FHOD3: variants seen among roughly 807,000 people sequenced by gnomAD.
FHOD3 encodes the protein formin homology 2 domain containing 3, also known as FH1/FH2 domain-containing protein 3.
Under a neutral mutation model 173.0 loss-of-function variants are expected in FHOD3, and 90 were observed. The ratio of observed to expected loss-of-function variants is 0.52; its 90% CI spans 0.44 to 0.62. The LOEUF (loss-of-function observed/expected upper bound fraction) is 0.62. Among genes scored for constraint, FHOD3 ranks in the 20% least tolerant of loss-of-function variants. FHOD3 has a pLI of 0.00. For synonymous variants in FHOD3, 828 were observed against 823.0 expected (o/e 1.01, Z -0.10); for missense variants, 1,945 against 2,034.7 (o/e 0.96, Z 0.85).
intron 1 of FHOD3, among the ~76,000 whole-genome samples, chr18:36,318,855 G>A (rs1210533757): frequency 1.3e-5 from 2 of 152,092 alleles, no homozygotes; most frequent in Admixed American, 1.3e-4. Flanking sequence ...TATTGGCTGT[G>A]GGTTTGTCAT....
At chr18:36,617,610 T>TGTGTGTGTGTGTGTGCGC (rs34321745) in intron 9 of FHOD3, among the ~76,000 whole-genome samples, 7 of 146,006 alleles carry the variant, frequency 4.8e-5, no homozygotes, top group African/African-American at 1.5e-4. Flanking sequence ...TGTGTGTGTG[T>TGTGTGTGTGTGTGTGCGC]GTGTGTGTGC....
chr18:36,434,525 G>A (rs1049410954), intron 3 of FHOD3, among the ~76,000 whole-genome samples: 2 of 152,060 alleles, frequency 1.3e-5, no homozygotes, highest in Non-Finnish European at 2.9e-5. Context: ...AAATTATTTT[G>A]ATTGTTCTAT....
chr18:36,686,982 T>G (rs757605891), intron 15 of FHOD3, 146 bp from the exon 16 acceptor site: 2 of 579,858 alleles, frequency 3.4e-6, no homozygotes, highest in Non-Finnish European at 6.0e-6. Flanking sequence ...GCTTTAAACT[T>G]TTAAAAATTC....
At chr18:36,406,861 C>A (rs8084548) in intron 3 of FHOD3, among the ~76,000 whole-genome samples, 6,588 of 152,226 alleles carry the variant, frequency 0.043, 470 homozygotes, top group African/African-American at 0.15. Flanking sequence ...TGTGTGTTCT[C>A]ACCTGGCTTA....
At chr18:36,355,699 G>A (rs746596723) in intron 2 of FHOD3, 54 bp downstream of exon 2, 1 of 1,402,816 alleles carries the variant, frequency 7.1e-7, no homozygotes, top group Non-Finnish European at 1.0e-6. Context: ...GGAAATGGGG[G>A]TACATTGAGG....
At chr18:36,756,887 C>G (rs1307492757) in intron 25 of FHOD3, among the ~76,000 whole-genome samples, 3 of 152,272 alleles carry the variant, frequency 2.0e-5, no homozygotes, top group East Asian at 3.9e-4. Flanking sequence ...CCTGAAATCT[C>G]AGTTCAGTAG....
At chr18:36,536,865 C>T (rs1277133191) in intron 5 of FHOD3, among the ~76,000 whole-genome samples, 1 of 152,178 alleles carries the variant, frequency 6.6e-6, no homozygotes, top group East Asian at 1.9e-4. Context: ...TTTCCCCTTA[C>T]TTCAGCTGAA....
At chr18:36,632,285 T>A (rs2034571246) in intron 10 of FHOD3, among the ~76,000 whole-genome samples, 1 of 152,226 alleles carries the variant, frequency 6.6e-6, no homozygotes, top group Admixed American at 6.5e-5. Flanking sequence ...GCATTGTAAT[T>A]TGCATTTTTT....
intron 7 of FHOD3, among the ~76,000 whole-genome samples, chr18:36,595,376 G>A (rs967203016): frequency 1.3e-5 from 2 of 152,018 alleles, no homozygotes; most frequent in Admixed American, 6.6e-5. Context: ...CAAACAGTTC[G>A]GTCACATCCA....
intron 9 of FHOD3, among the ~76,000 whole-genome samples, chr18:36,620,548 T>C (rs115014819): frequency 1.8e-4 from 28 of 152,330 alleles, no homozygotes; most frequent in African/African-American, 6.7e-4. Flanking sequence ...CTAAGCCATA[T>C]GTCTCATGCC....
chr18:36,433,292 C>T (rs1395597380), intron 3 of FHOD3, among the ~76,000 whole-genome samples: 1 of 152,134 alleles, frequency 6.6e-6, no homozygotes, highest in African/African-American at 2.4e-5. Flanking sequence ...TTCTGTCTAC[C>T]ATACTCCTGT....
intron 24 of FHOD3, among the ~76,000 whole-genome samples, chr18:36,748,358 G>A (rs1394900523): frequency 1.4e-5 from 2 of 141,480 alleles, no homozygotes; most frequent in Non-Finnish European, 1.5e-5. Flanking sequence ...TAAAATACAC[G>A]CACGCGCACA....
intron 9 of FHOD3, 23 bp from the exon 10 acceptor site, chr18:36,625,488 C>G (rs1234900223): frequency 7.2e-7 from 1 of 1,391,246 alleles, no homozygotes. Flanking sequence ...TGACCTTGCA[C>G]TGGGCGTGCT....
At chr18:36,409,420 C>T (rs1041953421) in intron 3 of FHOD3, among the ~76,000 whole-genome samples, 9 of 152,146 alleles carry the variant, frequency 5.9e-5, no homozygotes, top group Admixed American at 5.9e-4. Flanking sequence ...TCGTTGCTGT[C>T]TTGCACTATT....
chr18:36,755,215 A>C lies in FHOD3; in HGVS notation c.4329A>C (p.Leu1443=). The C allele has an allele frequency of 1.2e-6, 2 of 1,612,920 alleles. No individual in the cohort carries two copies. Among genetic ancestry groups the C allele is most frequent in the Middle Eastern group, 1.6e-4 (1 of 6,062 alleles). The change falls in exon 25 of 29, where the codon CTA becomes CTC. Residue 1443 remains leucine (L), a synonymous_variant. Transcript: ENST00000590592. ...KFCRIISEFA[L]EYRTTRERVL... ...GCAGGATTATTAGTGAATTTGCACT[A>C]GAGTATCGCACAACCAGGGAAAGGG... is the stretch of plus-strand genomic sequence containing the variant.
chr18:36,770,933 A>C (rs1370522226), intron 28 of FHOD3, among the ~76,000 whole-genome samples: 1 of 152,158 alleles, frequency 6.6e-6, no homozygotes, highest in Non-Finnish European at 1.5e-5. Context: ...TTCATTTTTT[A>C]AATGGAAAAC....
At chr18:36,661,578 C>A (rs965186332) in intron 14 of FHOD3, among the ~76,000 whole-genome samples, 1 of 152,166 alleles carries the variant, frequency 6.6e-6, no homozygotes, top group Non-Finnish European at 1.5e-5. Context: ...GACTACTTCA[C>A]TGAAGTCCTG....
At position 36,730,668 on chromosome 18, in the gene FHOD3, G is replaced by A. The variant is rs749208597; in HGVS notation, c.3440G>A (p.Arg1147Lys). 1 of 1,613,442 alleles carries A rather than the reference G, an allele frequency of 6.2e-7. No individual in the cohort carries two copies. The highest frequency in any genetic ancestry group is 1.1e-5 in the South Asian group (1 of 90,816). The stretch of plus-strand genomic sequence containing the variant: ...AAGAAAACTGCTGCAGATGGAAAAA[G>A]GCAAGAGATCATTGTTCTGGATTCC... ...VSKKTAADGK[R>K]QEIIVLDSKR... Residue 1147 changes from arginine to lysine, a missense_variant, in exon 20 of 29, where the codon AGG becomes AAG. Arg to Lys is a conservative substitution (Grantham distance 26, BLOSUM62 2). Around this residue, in one of 5 missense-constraint regions of FHOD3, gnomAD observed 231 missense variants for 321.9 expected, o/e 0.72. Transcript: ENST00000590592.
At chr18:36,462,066 A>G (rs1161060806) in intron 3 of FHOD3, among the ~76,000 whole-genome samples, 3 of 152,256 alleles carry the variant, frequency 2.0e-5, no homozygotes, top group South Asian at 4.1e-4. Flanking sequence ...ATGATTTTAT[A>G]TAAATCTGTT....
Sources: allele counts gnomAD v4.1 joint callset (sites outside exome capture counted in the v4.1 genomes callset), GRCh38; gene constraint gnomAD v4.1.1; regional missense constraint gnomAD v4.1.1; transcripts MANE v1.5; gene names NCBI Gene and HGNC (gene_info 2026-07-23, HGNC 2026-07-21).